Variants in CABLES1 observed in about 807,000 individuals in gnomAD.
CABLES1 encodes Cdk5 and Abl enzyme substrate 1, also known as CDK5 and ABL1 enzyme substrate 1.
CABLES1 carries 36 observed loss-of-function variants against 57.8 expected under a neutral mutation model. The ratio of observed to expected loss-of-function variants is 0.62; its 90% CI spans 0.48 to 0.82. CABLES1 has a LOEUF of 0.82. Among genes scored for constraint, CABLES1 ranks in the 40% least tolerant of loss-of-function variants. CABLES1 has a pLI of 0.00. For synonymous variants in CABLES1, 374 were observed against 363.0 expected, an observed-to-expected ratio of 1.03 and a Z score of -0.35; for missense variants, 767 against 836.6, an observed-to-expected ratio of 0.92 and a Z score of 1.03.
intron 1 of CABLES1, among the ~76,000 whole-genome samples, chr18:23,148,051 G>T (rs1244896167): frequency 1.4e-5 from 2 of 142,710 alleles, no homozygotes; most frequent in African/African-American, 5.3e-5. Flanking sequence ...GTGCAGCGGC[G>T]TGATCTCGGC....
At chr18:23,170,928 C>T (rs2047077779) in intron 1 of CABLES1, among the ~76,000 whole-genome samples, 1 of 152,192 alleles carries the variant, frequency 6.6e-6, no homozygotes, top group Non-Finnish European at 1.5e-5. Flanking sequence ...TCCCGAGTAG[C>T]TGGGACTACA....
At chr18:23,167,850 G>A (rs1033630691) in intron 1 of CABLES1, among the ~76,000 whole-genome samples, 1 of 152,194 alleles carries the variant, frequency 6.6e-6, no homozygotes, top group African/African-American at 2.4e-5. Flanking sequence ...GCAGATGTTT[G>A]GGGGAGGGGC....
intron 3 of CABLES1, among the ~76,000 whole-genome samples, chr18:23,206,506 G>A (rs915317196): frequency 5.3e-5 from 8 of 152,266 alleles, no homozygotes; most frequent in African/African-American, 1.9e-4. Context: ...TTCATGCCAT[G>A]CCTTTCCTTT....
At chr18:23,223,471 G>A (rs944175367) in intron 4 of CABLES1, among the ~76,000 whole-genome samples, 6 of 151,644 alleles carry the variant, frequency 4.0e-5, no homozygotes, top group Non-Finnish European at 7.4e-5. Flanking sequence ...ACAGCTACTC[G>A]GGAGGCTGAG....
rs370258144 is a variant in CABLES1, at chr18:23,140,333, G to T, written c.845+3726G>T. Among the ~76,000 whole-genome samples the T allele has an allele frequency of 2.6e-5, 4 of 152,198 alleles. No homozygotes were observed. In the East Asian group the frequency reaches 5.8e-4, roughly 22 times the overall value. On this transcript the variant is annotated intron_variant, in intron 1 of 9. Coordinates refer to ENST00000256925, the MANE Select transcript of CABLES1 (RefSeq NM_001100619.3). Reference sequence around the variant, plus strand: ...TACTTCCCGGAGATTCTGGCTAGCGGACAGCTCCCCAGGAGGACATGAAGT... The same window carrying T: ...TACTTCCCGGAGATTCTGGCTAGCGTACAGCTCCCCAGGAGGACATGAAGT...
At chr18:23,141,099 A>C (rs2046855194) in intron 1 of CABLES1, among the ~76,000 whole-genome samples, 1 of 152,236 alleles carries the variant, frequency 6.6e-6, no homozygotes. Flanking sequence ...TGGAATGCAG[A>C]GTGGCCACCC....
intron 3 of CABLES1, among the ~76,000 whole-genome samples, chr18:23,204,143 T>A (rs1304836526): frequency 1.3e-5 from 2 of 152,196 alleles, no homozygotes; most frequent in African/African-American, 4.8e-5. Context: ...TTTATTCACC[T>A]GGCACTAAGT....
At chr18:23,161,274 T>C (rs1219313028) in intron 1 of CABLES1, among the ~76,000 whole-genome samples, 1 of 152,002 alleles carries the variant, frequency 6.6e-6, no homozygotes, top group Non-Finnish European at 1.5e-5. Flanking sequence ...ACAACTCTCT[T>C]TATCATGTCT....
Position 23,253,749 on chromosome 18 carries a change from A to G in CABLES1, c.1574A>G (p.Lys525Arg). 6.2e-7 allele frequency: 1 copy of G among 1,614,176 alleles called. No homozygotes were observed. Among genetic ancestry groups the G allele is most frequent in the Non-Finnish European group, 8.5e-7 (1 of 1,180,018 alleles). ...KIRSLKREMR[K>R]LAQEDCGLEE... ...TCCAGTCTGAAACGAGAGATGCGGA[A>G]GCTTGCGCAGGAGGACTGTGGCCTT... The change falls in exon 9 of 10, where the codon AAG (lysine) becomes AGG (arginine). Residue 525 changes from lysine (K) to arginine (R), a missense_variant. Lys to Arg is a conservative substitution (Grantham distance 26). Around this residue, in one of 4 missense-constraint regions of CABLES1, gnomAD observed 529 missense variants for 622.8 expected, o/e 0.85. Coordinates refer to ENST00000256925, the MANE Select transcript of CABLES1 (RefSeq NM_001100619.3).
intron 6 of CABLES1, among the ~76,000 whole-genome samples, chr18:23,236,799 A>G (rs1481133570): frequency 6.6e-6 from 1 of 152,216 alleles, no homozygotes; most frequent in Non-Finnish European, 1.5e-5. Flanking sequence ...GCAAGTTTGA[A>G]AAAGGAACCT....
intron 1 of CABLES1, among the ~76,000 whole-genome samples, chr18:23,156,148 A>T (rs1568046200): frequency 6.6e-6 from 1 of 152,032 alleles, no homozygotes; most frequent in African/African-American, 2.4e-5. Context: ...TCTGGAACAG[A>T]GGGGGGGCTC....
intron 4 of CABLES1, among the ~76,000 whole-genome samples, chr18:23,224,332 A>T (rs1256480418): frequency 6.6e-6 from 1 of 151,958 alleles, no homozygotes; most frequent in Admixed American, 6.6e-5. Context: ...ACCCATGGGC[A>T]CCGGCGGCCA....
intron 3 of CABLES1, among the ~76,000 whole-genome samples, chr18:23,203,311 A>G (rs1396322638): frequency 6.6e-6 from 1 of 152,206 alleles, no homozygotes; most frequent in Non-Finnish European, 1.5e-5. Flanking sequence ...GTGAACAGGT[A>G]GAGAAATGTC....
chr18:23,157,054 A>T (rs1467041589), intron 1 of CABLES1, among the ~76,000 whole-genome samples: 1 of 152,136 alleles, frequency 6.6e-6, no homozygotes, highest in Non-Finnish European at 1.5e-5. Context: ...CGAAATAACC[A>T]TGAAAGTGCC....
intron 1 of CABLES1, among the ~76,000 whole-genome samples, chr18:23,158,142 A>C (rs991635897): frequency 2.7e-5 from 4 of 148,058 alleles, no homozygotes; most frequent in African/African-American, 1.0e-4. Flanking sequence ...AAAAAAACAA[A>C]CCCACAAAAT....
chr18:23,236,200 A>G, intron 6 of CABLES1, 149 bp downstream of exon 6: 2 of 833,632 alleles, frequency 2.4e-6, no homozygotes, highest in Non-Finnish European at 3.7e-6. Flanking sequence ...CAAGCCATGC[A>G]GGCCCGCAAT....
rs147466308 is a variant in CABLES1, at chr18:23,241,385, G to A, written c.1446+4140G>A. Among the ~76,000 whole-genome samples, 21 of 152,210 alleles carry A rather than the reference G, an allele frequency of 1.4e-4. No homozygotes were observed. In the East Asian group the frequency reaches 3.7e-3, roughly 27 times the overall value. ...GTCTCTACTAAAAATACAAAAATTA[G>A]CTGGGCATAGTGGCAGGCACCTGTA... On this transcript the variant is annotated intron_variant, in intron 7 of 9. Coordinates refer to ENST00000256925, the MANE Select transcript of CABLES1 (RefSeq NM_001100619.3).
Position 23,253,781 on chromosome 18 carries a change from C to G in CABLES1, c.1606C>G (p.Pro536Ala). ...GCAGGAGGACTGTGGCCTTGAGGAG[C>G]CCACGGTGGCCATGGCCTTCGTCTA... ...LAQEDCGLEE[P>A]TVAMAFVYFE... Residue 536 changes from proline to alanine, a missense_variant, in exon 9 of 10, where the codon CCC becomes GCC. This residue lies in a region of CABLES1 where 529 missense variants were observed against 622.8 expected (regional missense o/e 0.85). Coordinates refer to ENST00000256925, the MANE Select transcript of CABLES1 (RefSeq NM_001100619.3). The G allele has an allele frequency of 1.2e-6, 2 of 1,614,176 alleles. No homozygotes were observed. The highest frequency in any genetic ancestry group is 2.2e-5 in the South Asian group (2 of 91,084).
chr18:23,252,656 C>G (rs1183689020), intron 7 of CABLES1, among the ~76,000 whole-genome samples: 1 of 152,172 alleles, frequency 6.6e-6, no homozygotes, highest in East Asian at 1.9e-4. Context: ...ACCGTGTGAA[C>G]AGGCTGACAC....
Sources: allele counts gnomAD v4.1 joint callset (sites outside exome capture counted in the v4.1 genomes callset), GRCh38; gene constraint gnomAD v4.1.1; regional missense constraint gnomAD v4.1.1; transcripts MANE v1.5; gene names NCBI Gene and HGNC (gene_info 2026-07-23, HGNC 2026-07-21).